The following NOS1AP variants were observed in gnomAD, a reference collection of about 807,000 sequenced individuals.
NOS1AP encodes the protein nitric oxide synthase 1 adaptor protein.
Under a neutral mutation model 56.2 loss-of-function variants are expected in NOS1AP, and 21 were observed. The observed-to-expected ratio is 0.37, with a 90% confidence interval of 0.26 to 0.54. NOS1AP has a LOEUF of 0.54. Ranked by LOEUF, NOS1AP falls within the 20% of genes least tolerant of loss-of-function variation. NOS1AP has a pLI of 0.84. For synonymous variants in NOS1AP, 270 were observed against 274.6 expected (o/e 0.98, Z 0.17); for missense variants, 522 against 657.8 (o/e 0.79, Z 2.26).
intron 2 of NOS1AP, among the ~76,000 whole-genome samples, chr1:162,269,370 G>A (rs997875008): frequency 6.6e-6 from 1 of 152,016 alleles, no homozygotes; most frequent in Admixed American, 6.6e-5. Flanking sequence ...GATATAAAGA[G>A]GTGAAATTAC....
In NOS1AP at chr1:162,355,740, G is replaced by A. The variant is rs1221613750; in HGVS notation, c.762+387G>A. On this transcript the variant is annotated intron_variant, in intron 7 of 9. Coordinates refer to ENST00000361897, the MANE Select transcript of NOS1AP (RefSeq NM_014697.3). Reference sequence around the variant, plus strand: ...AGTAGAGCAAAGTCAGTTTGGGCCCGCTCTGCCTGCAGTAGCGGTGGTATA... The same window carrying A: ...AGTAGAGCAAAGTCAGTTTGGGCCCACTCTGCCTGCAGTAGCGGTGGTATA... 7.2e-5 allele frequency among the ~76,000 whole-genome samples: 11 copies of A among 152,110 alleles called. No individual in the cohort carries two copies. In the East Asian group the frequency reaches 1.5e-3, roughly 21 times the overall value.
chr1:162,290,158 C>T (rs941587637), intron 3 of NOS1AP, among the ~76,000 whole-genome samples: 6 of 152,142 alleles, frequency 3.9e-5, no homozygotes, highest in Middle Eastern at 3.2e-3. Flanking sequence ...GTGGCTTCAT[C>T]GTCCTGCTGG....
intron 2 of NOS1AP, among the ~76,000 whole-genome samples, chr1:162,171,180 G>A (rs1275606508): frequency 6.6e-6 from 1 of 152,144 alleles, no homozygotes; most frequent in Non-Finnish European, 1.5e-5. Flanking sequence ...TTACCCAAAG[G>A]GATGGAGCGG....
At chr1:162,198,557 G>A (rs540467626) in intron 2 of NOS1AP, among the ~76,000 whole-genome samples, 2 of 152,334 alleles carry the variant, frequency 1.3e-5, no homozygotes, top group Admixed American at 1.3e-4. Context: ...GCCTGACTCT[G>A]AGAGGATGGG....
intron 8 of NOS1AP, chr1:162,361,017 G>A (rs942363332): frequency 2.3e-6 from 1 of 429,116 alleles, no homozygotes; most frequent in Non-Finnish European, 4.7e-6. Context: ...GTGTAGAGCT[G>A]GAGGGTGCAG....
chr1:162,346,942 T>C (rs1278220211), intron 6 of NOS1AP, among the ~76,000 whole-genome samples: 1 of 152,236 alleles, frequency 6.6e-6, no homozygotes. Context: ...GTAGTACTAA[T>C]GTGATGTAAA....
At chr1:162,277,252 C>T (rs1654773092) in intron 2 of NOS1AP, among the ~76,000 whole-genome samples, 1 of 152,196 alleles carries the variant, frequency 6.6e-6, no homozygotes, top group Non-Finnish European at 1.5e-5. Flanking sequence ...TAAGAAACTA[C>T]TTTTCAAAGA....
chr1:162,369,964 C>T lies in NOS1AP; in HGVS notation c.*2497C>T, dbSNP rs1504424. 14,394 of 152,578 alleles carry T rather than the reference C, an allele frequency of 0.094. 1,006 individuals are homozygous for T. Among genetic ancestry groups the T allele is most frequent in the African/African-American group, 0.18 (7,591 of 41,502 alleles). 9.5% of individuals were successfully genotyped at this position (152,578 alleles called of 1,614,324 possible). On this transcript the variant is annotated 3_prime_UTR_variant, in exon 10 of 10. Coordinates refer to ENST00000361897, the MANE Select transcript of NOS1AP (RefSeq NM_014697.3). ...CGACGATGTCACCCTGTCCTCCCTC[C>T]TTGCTTCTTGCTCTGCTAACTCAAC... is the stretch of plus-strand genomic sequence containing the variant.
At chr1:162,129,853 G>A (rs1448431661) in intron 1 of NOS1AP, among the ~76,000 whole-genome samples, 1 of 152,166 alleles carries the variant, frequency 6.6e-6, no homozygotes, top group African/African-American at 2.4e-5. Flanking sequence ...GCAATATCAT[G>A]CCTGTATTAT....
chr1:162,160,676 A>C (rs1414133931), intron 2 of NOS1AP, among the ~76,000 whole-genome samples: 1 of 152,072 alleles, frequency 6.6e-6, no homozygotes, highest in Non-Finnish European at 1.5e-5. Flanking sequence ...CCCCCTCAGC[A>C]CCATTTACTC....
At chr1:162,101,699 G>A (rs1345476243) in intron 1 of NOS1AP, among the ~76,000 whole-genome samples, 1 of 151,984 alleles carries the variant, frequency 6.6e-6, no homozygotes, top group East Asian at 1.9e-4. Flanking sequence ...TCTTTTTGTA[G>A]CAATTGTGAA....
Position 162,367,530 on chromosome 1 carries a change from C to A in NOS1AP, c.*63C>A. On this transcript the variant is annotated 3_prime_UTR_variant, in exon 10 of 10. Coordinates refer to ENST00000361897, the MANE Select transcript of NOS1AP (RefSeq NM_014697.3). The surrounding 1 kb of genome is among the most constrained non-coding windows in gnomAD (Gnocchi z 6.5). The stretch of plus-strand genomic sequence containing the variant: ...GGAGGGGCCGTGTCTGGCTGCTGCC[C>A]GGGTAGGGGATGCCCAGTGAATGTG... 2.0e-6 allele frequency: 3 copies of A among 1,482,632 alleles called. No homozygotes were observed. The highest frequency in any genetic ancestry group is 1.8e-6 in the Non-Finnish European group (2 of 1,111,836). The allele number at this position is 1,482,632 out of a possible 1,614,324, so 91.8% of individuals were successfully genotyped here.
chr1:162,091,105 ATC>A (rs1692118372), intron 1 of NOS1AP, among the ~76,000 whole-genome samples: 1 of 151,994 alleles, frequency 6.6e-6, no homozygotes, highest in Admixed American at 6.6e-5. Context: ...TTCTGTTTCC[ATC>A]TCTCTCTTTT....
intron 2 of NOS1AP, among the ~76,000 whole-genome samples, chr1:162,228,254 AG>A (rs1166442624): frequency 6.6e-6 from 1 of 152,214 alleles, no homozygotes. Context: ...TTGTCAGACT[AG>A]TTTGTATTAT....
chr1:162,315,813 G>A (rs1205646500), intron 4 of NOS1AP, among the ~76,000 whole-genome samples: 2 of 152,194 alleles, frequency 1.3e-5, no homozygotes, highest in Non-Finnish European at 2.9e-5. Flanking sequence ...CACCAGGAAT[G>A]CTTTCCTGAT....
chr1:162,221,157 C>T (rs1288448865), intron 2 of NOS1AP, among the ~76,000 whole-genome samples: 7 of 152,068 alleles, frequency 4.6e-5, no homozygotes, highest in South Asian at 4.1e-4. Context: ...GCCAGGATGG[C>T]CTTGATCTCT....
chr1:162,347,432 T>G (rs1375134422), intron 6 of NOS1AP, among the ~76,000 whole-genome samples: 2 of 152,222 alleles, frequency 1.3e-5, no homozygotes, highest in African/African-American at 4.8e-5. Context: ...AGAGGTTGAA[T>G]GTTTGAACAC....
intron 6 of NOS1AP, among the ~76,000 whole-genome samples, chr1:162,348,706 A>C (rs1328866193): frequency 6.6e-6 from 1 of 152,170 alleles, no homozygotes; most frequent in South Asian, 2.1e-4. Flanking sequence ...CATGGGCTGG[A>C]TATGTTAAAT....
intron 2 of NOS1AP, among the ~76,000 whole-genome samples, chr1:162,264,456 T>TCTCCTCTCC (rs1355742065): frequency 0.43 from 16,488 of 37,960 alleles, 3,668 homozygotes; most frequent in South Asian, 0.49. Context: ...TTCTCTTCTC[T>TCTCCTCTCC]TCTCTTCTCC....
Sources: gnomAD v4.1 joint callset for allele counts (sites outside exome capture counted in the v4.1 genomes callset) on GRCh38, gnomAD v4.1.1 for gene constraint, Gnocchi (gnomAD v3.1) non-coding constraint, MANE v1.5 for transcripts, NCBI Gene and HGNC (gene_info 2026-07-23, HGNC 2026-07-21) for gene names.